PON1: variants seen among roughly 807,000 people sequenced by gnomAD.
PON1 encodes serum paraoxonase/arylesterase 1.
PON1 carries 37 observed loss-of-function variants against 39.2 expected under a neutral mutation model. The observed-to-expected ratio is 0.94, with a 90% CI of 0.73 to 1.24. PON1 has a LOEUF of 1.24. Among genes scored for constraint, PON1 ranks in the 50% most tolerant of loss-of-function variants. PON1 has a pLI of 0.00. For synonymous variants in PON1, 148 were observed against 152.2 expected (o/e 0.97, Z 0.21); for missense variants, 397 against 413.5 (o/e 0.96, Z 0.35).
rs1807457421 is a variant in PON1 at position 95,302,463 on chromosome 7, T to C, written c.781-130A>G. 9 of 774,196 alleles carry C rather than the reference T, an allele frequency of 1.2e-5. No individual in the cohort carries two copies. The South Asian group carries it at 1.5e-4, about 13-fold the overall frequency. The allele number at this position is 774,196 out of a possible 1,614,324, so 48.0% of individuals were successfully genotyped here. A position where few individuals can be genotyped will look rare whatever the true frequency, so the allele number is the denominator to read the frequency against. On this transcript the variant is annotated intron_variant, in intron 7 of 8. Coordinates refer to ENST00000222381, the MANE Select transcript of PON1 (RefSeq NM_000446.7). Reference sequence around the variant, plus strand: ...GCTGCTGCTTCCAAGGATACAATTCTGCCCCATTTCAATAAGACTCACAAA... The same window carrying C: ...GCTGCTGCTTCCAAGGATACAATTCCGCCCCATTTCAATAAGACTCACAAA...
intron 5 of PON1, 32 bp downstream of exon 5, chr7:95,311,419 A>G: frequency 6.2e-7 from 1 of 1,613,074 alleles, no homozygotes; most frequent in Non-Finnish European, 8.5e-7. Flanking sequence ...GCTACAGCTA[A>G]AGGAAAATAG....
intron 7 of PON1, among the ~76,000 whole-genome samples, chr7:95,304,926 T>C (rs1017431394): frequency 2.7e-4 from 41 of 152,192 alleles, no homozygotes; most frequent in Non-Finnish European, 4.9e-4. Context: ...CTGTGGTGAA[T>C]GTCTGTTACA....
At chr7:95,302,411 A>C (rs935073073) in intron 7 of PON1, 78 bp from the exon 8 acceptor site, 59 of 1,368,020 alleles carry the variant, frequency 4.3e-5, no homozygotes, top group Non-Finnish European at 5.7e-5. Flanking sequence ...TATCAGAGAA[A>C]AGTTGCCTCT....
intron 8 of PON1, among the ~76,000 whole-genome samples, chr7:95,300,305 A>T (rs1382169903): frequency 6.6e-6 from 1 of 152,236 alleles, no homozygotes; most frequent in African/African-American, 2.4e-5. Context: ...CTGTAGAATG[A>T]AATGGGTGGG....
rs1807968057 is a variant in PON1 at position 95,324,420 on chromosome 7, T to C, written c.56A>G (p.Asn19Ser). Residue 19 changes from asparagine to serine, a missense_variant, in exon 1 of 9, where the codon AAC (asparagine) becomes AGC (serine). Asn to Ser is a conservative substitution (Grantham distance 46). Transcript: ENST00000222381. ...LLGMGLALFRNHQSSYQTRLN... is the reference protein window; with the variant it reads ...LLGMGLALFRSHQSSYQTRLN... ...AACTTACTGGTAAGAAGACTGGTGG[T>C]TCCTGAAGAGTGCCAGTCCCATCCC... 3.1e-6 allele frequency: 5 copies of C among 1,614,038 alleles called. No individual in the cohort carries two copies. Among genetic ancestry groups the C allele is most frequent in the Non-Finnish European group, 3.4e-6 (4 of 1,180,022 alleles).
At chr7:95,318,641 G>T (rs1199377822) in intron 1 of PON1, 2 of 438,332 alleles carry the variant, frequency 4.6e-6, no homozygotes, top group Non-Finnish European at 8.4e-6. Context: ...CCTCTCTAGG[G>T]CTCTGTGTAC....
chr7:95,311,177 A>G (rs1001959199), intron 5 of PON1, among the ~76,000 whole-genome samples: 1 of 152,186 alleles, frequency 6.6e-6, no homozygotes, highest in Non-Finnish European at 1.5e-5. Flanking sequence ...GGTTCTGAAG[A>G]AGAGGATTTT....
At chr7:95,301,091 A>C (rs912414873) in intron 8 of PON1, among the ~76,000 whole-genome samples, 8 of 152,084 alleles carry the variant, frequency 5.3e-5, no homozygotes, top group African/African-American at 1.7e-4. Flanking sequence ...AGCAGTAGAC[A>C]AATATGTCAA....
chr7:95,303,989 A>G (rs1250476506), intron 7 of PON1, among the ~76,000 whole-genome samples: 2 of 152,134 alleles, frequency 1.3e-5, no homozygotes, highest in Non-Finnish European at 2.9e-5. Flanking sequence ...TAAAATATAT[A>G]AAAATTTGAC....
chr7:95,320,013 G>C (rs1807860418), intron 1 of PON1, among the ~76,000 whole-genome samples: 1 of 152,214 alleles, frequency 6.6e-6, no homozygotes, highest in Admixed American at 6.5e-5. Flanking sequence ...TCTAGGGAAA[G>C]TGTAGTGAAT....
rs539298886 is a variant in PON1, at chr7:95,312,784, C to T, written c.371-1207G>A. ...TGCAAAGGCCCCGGGGCAGAACTTC[C>T]GGGACATATTCACTTAATAGTGAGG... On this transcript the variant is annotated intron_variant, in intron 4 of 8. Transcript: ENST00000222381. Among the ~76,000 whole-genome samples the T allele has an allele frequency of 6.6e-5, 10 of 151,814 alleles. No homozygotes were observed. In the South Asian group the frequency reaches 1.0e-3, roughly 16 times the overall value.
intron 8 of PON1, among the ~76,000 whole-genome samples, chr7:95,300,691 T>G (rs1488573080): frequency 6.6e-6 from 1 of 152,226 alleles, no homozygotes; most frequent in East Asian, 1.9e-4. Flanking sequence ...AGAAATGAAG[T>G]ATTTTCTCCA....
At chr7:95,317,941 T>C (rs780060561) in intron 2 of PON1, among the ~76,000 whole-genome samples, 10 of 152,186 alleles carry the variant, frequency 6.6e-5, no homozygotes, top group South Asian at 2.1e-4. Context: ...CTTGTGGTAA[T>C]TGCAAAGTCC....
At chr7:95,307,812 A>G (rs971163615) in intron 6 of PON1, among the ~76,000 whole-genome samples, 199 bp downstream of exon 6, 34 of 152,226 alleles carry the variant, frequency 2.2e-4, no homozygotes, top group Admixed American at 2.2e-3. Context: ...AAGGAAATAA[A>G]ACCAGTATGC....
rs374447381 is a variant in PON1, at chr7:95,310,931, G to A, written c.497+520C>T. The stretch of plus-strand genomic sequence containing the variant: ...ATTTCACCATATGTTACATGAACAA[G>A]GTGCCTAGGGGGAATTGAGTGTTAC... On this transcript the variant is annotated intron_variant, in intron 5 of 8. Coordinates refer to ENST00000222381, the MANE Select transcript of PON1 (RefSeq NM_000446.7). Among the ~76,000 whole-genome samples, 233 of 152,208 alleles carry A rather than the reference G, an allele frequency of 1.5e-3. 2 individuals are homozygous for A. In the South Asian group the frequency reaches 0.027, roughly 18 times the overall value.
At chr7:95,306,259 A>T in intron 7 of PON1, 26 bp downstream of exon 7, 1 of 1,489,688 alleles carries the variant, frequency 6.7e-7, no homozygotes, top group Non-Finnish European at 9.4e-7. Context: ...ATCACTCTGC[A>T]GACTTACAGT....
Position 95,311,544 on chromosome 7 carries a change from G to A in PON1, c.404C>T (p.Pro135Leu). The A allele has an allele frequency of 6.2e-7, 1 of 1,613,964 alleles. No homozygotes were observed. Residue 135 changes from proline to leucine, a missense_variant, in exon 5 of 9, where the codon CCA (proline) becomes CTA (leucine). Coordinates refer to ENST00000222381, the MANE Select transcript of PON1 (RefSeq NM_000446.7). ...CAACTCCACTGTGGACTTGGCATCT[G>A]GATGGTTCACCACCAGGAGGTACAT... is the stretch of plus-strand genomic sequence containing the variant. ...NAMYLLVVNH[P>L]DAKSTVELFK...
intron 7 of PON1, among the ~76,000 whole-genome samples, chr7:95,302,888 C>T (rs1045284707): frequency 6.6e-6 from 1 of 152,132 alleles, no homozygotes; most frequent in Non-Finnish European, 1.5e-5. Flanking sequence ...TGTTCAACTC[C>T]CCGTTCTTCT....
At chr7:95,304,628 G>A (rs923265853) in intron 7 of PON1, among the ~76,000 whole-genome samples, 1 of 152,062 alleles carries the variant, frequency 6.6e-6, no homozygotes, top group Non-Finnish European at 1.5e-5. Flanking sequence ...CACCGCACCC[G>A]GCCAAGAACT....
Sources: gnomAD v4.1 joint callset for allele counts (sites outside exome capture counted in the v4.1 genomes callset) on GRCh38, gnomAD v4.1.1 for gene constraint, MANE v1.5 for transcripts, NCBI Gene and HGNC (gene_info 2026-07-23, HGNC 2026-07-21) for gene names.